Variants in MAPK10 observed in about 807,000 individuals in gnomAD.
MAPK10 encodes the protein mitogen-activated protein kinase 10, also known as JNK3 alpha protein kinase.
In MAPK10, 25 loss-of-function variants were observed where a neutral mutation model predicts 59.3. The ratio of observed to expected loss-of-function variants is 0.42; its 90% CI spans 0.31 to 0.59. The LOEUF (loss-of-function observed/expected upper bound fraction) is 0.59. MAPK10 is among the 20% of genes least tolerant of loss of function. The pLI is 0.15. For missense variants in MAPK10, 351 were observed against 568.9 expected (o/e 0.62, Z 3.90); for synonymous variants, 190 against 200.5 (o/e 0.95, Z 0.44).
chr4:86,068,077 C>T, intron 9 of MAPK10, 122 bp from the exon 10 acceptor site: 1 of 537,884 alleles, frequency 1.9e-6, no homozygotes, highest in East Asian at 2.9e-5. Flanking sequence ...TAATAAGCAA[C>T]AAAGAATGAA....
At position 86,345,994 on chromosome 4, in the gene MAPK10, G is replaced by A. The variant is rs562283473; in HGVS notation, c.-7+8536C>T. The stretch of plus-strand genomic sequence containing the variant: ...AAGTCTTCAACTAAAAGAACAAGTG[G>A]AAATTTTATACATGATATCAGATTC... On this transcript the variant is annotated intron_variant, in intron 2 of 13. Coordinates refer to ENST00000641462, the MANE Select transcript of MAPK10 (RefSeq NM_138982.4). Among the ~76,000 whole-genome samples, 7 of 152,284 alleles carry A rather than the reference G, an allele frequency of 4.6e-5. No individual in the cohort carries two copies. In the South Asian group the frequency reaches 1.0e-3, roughly 23 times the overall value.
At chr4:86,424,195 T>A (rs934886017) in intron 1 of MAPK10, among the ~76,000 whole-genome samples, 8 of 152,236 alleles carry the variant, frequency 5.3e-5, no homozygotes, top group South Asian at 2.1e-4. Flanking sequence ...AATCTTTTTT[T>A]AATTTTTATT....
intron 1 of MAPK10, among the ~76,000 whole-genome samples, chr4:86,568,165 G>A (rs1761199313): frequency 6.6e-6 from 1 of 152,038 alleles, no homozygotes; most frequent in South Asian, 2.1e-4. Flanking sequence ...ATCAAGCTGA[G>A]AACCAAGTCA....
chr4:86,381,432 GGTCCC>G (rs1448277762), intron 1 of MAPK10, among the ~76,000 whole-genome samples: 11 of 152,242 alleles, frequency 7.2e-5, no homozygotes, highest in Admixed American at 6.5e-4. Context: ...TCCTTGTGCA[GGTCCC>G]GGGCCTATTT....
intron 2 of MAPK10, among the ~76,000 whole-genome samples, chr4:86,311,101 C>T (rs1268365415): frequency 1.3e-5 from 2 of 151,280 alleles, no homozygotes; most frequent in Non-Finnish European, 3.0e-5. Flanking sequence ...ACCATGTGGG[C>T]TGTGCATATT....
chr4:86,076,264 C>T (rs942894879), intron 9 of MAPK10, among the ~76,000 whole-genome samples: 1 of 152,132 alleles, frequency 6.6e-6, no homozygotes, highest in South Asian at 2.1e-4. Context: ...GCGCACGGTG[C>T]GCGCACCCAC....
At chr4:86,138,610 C>T (rs1243922042) in intron 4 of MAPK10, among the ~76,000 whole-genome samples, 1 of 143,540 alleles carries the variant, frequency 7.0e-6, no homozygotes, top group African/African-American at 2.5e-5. Flanking sequence ...GAAGCATTCC[C>T]TTTGAAAACT....
intron 2 of MAPK10, among the ~76,000 whole-genome samples, chr4:86,296,385 G>T (rs1342242298): frequency 1.3e-5 from 2 of 152,032 alleles, no homozygotes; most frequent in African/African-American, 4.8e-5. Context: ...CCCAGGAGAT[G>T]AAAGGAACCA....
intron 2 of MAPK10, among the ~76,000 whole-genome samples, chr4:86,210,682 G>C (rs1311416231): frequency 6.6e-6 from 1 of 151,114 alleles, no homozygotes; most frequent in Non-Finnish European, 1.5e-5. Context: ...TTCAACAAAA[G>C]TCACAAGTCA....
intron 9 of MAPK10, among the ~76,000 whole-genome samples, chr4:86,086,393 TAA>T (rs1302531351): frequency 1.3e-5 from 2 of 152,088 alleles, no homozygotes; most frequent in Non-Finnish European, 2.9e-5. Context: ...TTAAAATAAC[TAA>T]AAGAGTATAA....
At chr4:86,051,993 T>A (rs1226038614) in intron 11 of MAPK10, among the ~76,000 whole-genome samples, 2 of 152,030 alleles carry the variant, frequency 1.3e-5, no homozygotes, top group African/African-American at 4.8e-5. Context: ...ACTAGCTACT[T>A]GAAGAGTAGA....
At chr4:86,581,000 T>C (rs1214980028) in intron 1 of MAPK10, among the ~76,000 whole-genome samples, 2 of 152,216 alleles carry the variant, frequency 1.3e-5, no homozygotes, top group East Asian at 1.9e-4. Context: ...CCTACCCTAA[T>C]GCCACAGGAG....
At chr4:86,108,609 G>A (rs1266708601) in intron 4 of MAPK10, among the ~76,000 whole-genome samples, 1 of 152,098 alleles carries the variant, frequency 6.6e-6, no homozygotes, top group Non-Finnish European at 1.5e-5. Flanking sequence ...TCCATGAAAA[G>A]TTTCACCAGT....
intron 1 of MAPK10, among the ~76,000 whole-genome samples, chr4:86,461,582 T>C (rs946078792): frequency 6.6e-6 from 1 of 152,128 alleles, no homozygotes; most frequent in Non-Finnish European, 1.5e-5. Flanking sequence ...AACTGTGGGC[T>C]CTGGTTCATT....
chr4:86,146,825 C>T (rs1047801151), intron 4 of MAPK10, among the ~76,000 whole-genome samples: 1 of 152,230 alleles, frequency 6.6e-6, no homozygotes, highest in East Asian at 1.9e-4. Context: ...TTATCCTAAC[C>T]AATGTATATG....
At chr4:86,210,925 A>G (rs1426067027) in intron 2 of MAPK10, among the ~76,000 whole-genome samples, 1 of 152,042 alleles carries the variant, frequency 6.6e-6, no homozygotes, top group Non-Finnish European at 1.5e-5. Context: ...AGAGCTGAAA[A>G]GTACAAGAAG....
chr4:86,028,911 G>A, intron 13 of MAPK10: 1 of 413,148 alleles, frequency 2.4e-6, no homozygotes, highest in South Asian at 2.2e-5. Context: ...ATTTTGATGA[G>A]GCACATTTAC....
intron 2 of MAPK10, among the ~76,000 whole-genome samples, chr4:86,299,412 G>A (rs978326082): frequency 5.9e-5 from 9 of 152,016 alleles, no homozygotes; most frequent in African/African-American, 2.2e-4. Flanking sequence ...TTCATAAATG[G>A]GAATTAATGC....
chr4:86,147,022 C>T (rs987337063), intron 4 of MAPK10, among the ~76,000 whole-genome samples: 51 of 151,920 alleles, frequency 3.4e-4, no homozygotes, highest in Admixed American at 2.3e-3. Context: ...CATTTATGAG[C>T]GATCTTAGTA....
Sources: gnomAD v4.1 joint callset for allele counts (sites outside exome capture counted in the v4.1 genomes callset) on GRCh38, gnomAD v4.1.1 for gene constraint, MANE v1.5 for transcripts, NCBI Gene and HGNC (gene_info 2026-07-23, HGNC 2026-07-21) for gene names.